Variants in PPM1L observed in about 807,000 individuals in gnomAD.
PPM1L encodes the protein protein phosphatase 1L.
Under a neutral mutation model 31.4 loss-of-function variants are expected in PPM1L, and 13 were observed. The observed-to-expected ratio is 0.41, with a 90% CI of 0.27 to 0.66. PPM1L has a LOEUF of 0.66. PPM1L is among the 30% of genes least tolerant of loss of function. The pLI, the probability that PPM1L is intolerant of heterozygous loss-of-function variation, is 0.29. For missense variants in PPM1L, 326 were observed against 453.7 expected, an observed-to-expected ratio of 0.72 and a Z score of 2.56; for synonymous variants, 184 against 175.4, an observed-to-expected ratio of 1.05 and a Z score of -0.39.
In PPM1L at chr3:161,004,584, A is replaced by G. The variant is rs1334604128; in HGVS notation, c.574+42674A>G. Among the ~76,000 whole-genome samples, 768 of 148,220 alleles carry G rather than the reference A, an allele frequency of 5.2e-3. 1 individual carries two copies. The highest frequency in any genetic ancestry group is 0.018 in the African/African-American group (716 of 39,842). On this transcript the variant is annotated intron_variant, in intron 2 of 3. Coordinates refer to ENST00000498165, the MANE Select transcript of PPM1L (RefSeq NM_139245.4). The stretch of plus-strand genomic sequence containing the variant: ...TTAGTCTTGGGAGAGTGTATGTGTC[A>G]AGGAATTTATCCATTTCTTCTAGAT...
intron 2 of PPM1L, among the ~76,000 whole-genome samples, chr3:161,001,996 C>A: frequency 7.1e-6 from 1 of 140,300 alleles, no homozygotes; most frequent in Admixed American, 7.4e-5. Flanking sequence ...CCTCCCCCAA[C>A]CCCACAACAG....
At chr3:160,876,011 GT>G (rs1174829475) in intron 1 of PPM1L, among the ~76,000 whole-genome samples, 1 of 152,166 alleles carries the variant, frequency 6.6e-6, no homozygotes, top group Non-Finnish European at 1.5e-5. Flanking sequence ...GTCTTGAAGA[GT>G]TTTAAGGGAC....
chr3:161,003,187 C>A lies in PPM1L; in HGVS notation c.574+41277C>A, dbSNP rs200709215. 1.2e-3 allele frequency among the ~76,000 whole-genome samples: 189 copies of A among 151,912 alleles called. 5 individuals are homozygous for A. In the East Asian group the frequency reaches 0.035, roughly 28 times the overall value. On this transcript the variant is annotated intron_variant, in intron 2 of 3. Coordinates refer to ENST00000498165, the MANE Select transcript of PPM1L (RefSeq NM_139245.4). ...TATTTCTGAGGGCTCTGTTCTGTTCCATTGATCTATATGTCTGTTTTGGTA... is the reference window on the plus strand; with the variant it reads ...TATTTCTGAGGGCTCTGTTCTGTTCAATTGATCTATATGTCTGTTTTGGTA...
chr3:160,828,952 G>A (rs562959016), intron 1 of PPM1L, among the ~76,000 whole-genome samples: 3 of 151,992 alleles, frequency 2.0e-5, no homozygotes, highest in African/African-American at 7.3e-5. Flanking sequence ...TTTCCACCTG[G>A]ATCTCTGTAC....
At chr3:160,770,474 G>C (rs540327791) in intron 1 of PPM1L, among the ~76,000 whole-genome samples, 19 of 152,280 alleles carry the variant, frequency 1.2e-4, no homozygotes, top group African/African-American at 4.6e-4. Flanking sequence ...GATATTTAAA[G>C]TATAGTAATA....
In PPM1L at chr3:160,984,937, G is replaced by T. The variant is rs79131974; in HGVS notation, c.574+23027G>T. The stretch of plus-strand genomic sequence containing the variant: ...GAGGGAGGGCTGGTGGTGTCTAGTG[G>T]GTAGAACCCAAGGATGCTGCTAAGT... On this transcript the variant is annotated intron_variant, in intron 2 of 3. Transcript: ENST00000498165. 4.2e-3 allele frequency among the ~76,000 whole-genome samples: 634 copies of T among 152,224 alleles called. 5 individuals are homozygous for T. The highest frequency in any genetic ancestry group is 0.014 in the African/African-American group (598 of 41,524).
chr3:160,871,879 G>A (rs1712319413), intron 1 of PPM1L, among the ~76,000 whole-genome samples: 1 of 151,646 alleles, frequency 6.6e-6, no homozygotes, highest in African/African-American at 2.4e-5. Context: ...AATTCAAGTA[G>A]CATAATTATA....
At chr3:160,947,942 A>C (rs1171983169) in intron 1 of PPM1L, among the ~76,000 whole-genome samples, 1 of 152,166 alleles carries the variant, frequency 6.6e-6, no homozygotes, top group Non-Finnish European at 1.5e-5. Context: ...GTTCAAGCTC[A>C]ACACCTAACC....
chr3:160,775,952 T>C (rs535406488), intron 1 of PPM1L, among the ~76,000 whole-genome samples: 1 of 152,316 alleles, frequency 6.6e-6, no homozygotes, highest in Admixed American at 6.5e-5. Flanking sequence ...TCAAACATTC[T>C]TGGTTTGTAC....
chr3:160,944,991 A>ATATATAT lies in PPM1L; in HGVS notation c.400-16744_400-16738dup, dbSNP rs1553748292. On this transcript the variant is annotated intron_variant, in intron 1 of 3. Transcript: ENST00000498165. Reference sequence around the variant, plus strand: ...TATATTATATATAACTATATATAACATATATATAACTATATATAACATATA... The same window carrying ATATATAT: ...TATATTATATATAACTATATATAACATATATATTATATATAACTATATATAACATATA... 5.9e-3 allele frequency among the ~76,000 whole-genome samples: 138 copies of ATATATAT among 23,422 alleles called. 5 individuals are homozygous for ATATATAT. Among genetic ancestry groups the ATATATAT allele is most frequent in the Middle Eastern group, 0.05 (1 of 20 alleles). 15.4% of individuals were successfully genotyped at this position (23,422 alleles called of 152,430 possible).
In PPM1L at chr3:160,933,304, G is replaced by A. The variant is rs55838526; in HGVS notation, c.400-28432G>A. ...AGTGAATTTTTTTTTTGTTATTTACGTAGGACTTATATCTACCTATTTCTA... is the reference window on the plus strand; with the variant it reads ...AGTGAATTTTTTTTTTGTTATTTACATAGGACTTATATCTACCTATTTCTA... On this transcript the variant is annotated intron_variant, in intron 1 of 3. Transcript: ENST00000498165. 1.7e-3 allele frequency among the ~76,000 whole-genome samples: 253 copies of A among 151,502 alleles called. 1 individual carries two copies. The highest frequency in any genetic ancestry group is 7.9e-3 in the South Asian group (38 of 4,810).
intron 1 of PPM1L, chr3:160,842,149 G>C: frequency 1.5e-6 from 1 of 651,374 alleles, no homozygotes. Flanking sequence ...TTTTGTGTGC[G>C]TGCATCCTGA....
chr3:160,944,801 AC>A (rs1715285887), intron 1 of PPM1L, among the ~76,000 whole-genome samples: 1 of 18,246 alleles, frequency 5.5e-5, no homozygotes, highest in African/African-American at 1.7e-4. Context: ...GTTATATATA[AC>A]ATATATAACA....
chr3:160,903,311 A>AGGC (rs1309389590), intron 1 of PPM1L, among the ~76,000 whole-genome samples: 1 of 151,848 alleles, frequency 6.6e-6, no homozygotes, highest in Non-Finnish European at 1.5e-5. Context: ...TCTGTGGGGC[A>AGGC]GGCCAGCAGG....
At chr3:160,813,444 A>G (rs567485391) in intron 1 of PPM1L, among the ~76,000 whole-genome samples, 1 of 152,066 alleles carries the variant, frequency 6.6e-6, no homozygotes, top group Non-Finnish European at 1.5e-5. Flanking sequence ...GGTTGAAGTG[A>G]TTCTTGTTCC....
At chr3:160,944,978 AAC>A (rs1715334161) in intron 1 of PPM1L, among the ~76,000 whole-genome samples, 1 of 42,996 alleles carries the variant, frequency 2.3e-5, no homozygotes, top group African/African-American at 5.9e-5. Context: ...TATTATATAT[AAC>A]TATATATAAC....
At position 160,890,835 on chromosome 3, in the gene PPM1L, T is replaced by C. The variant is rs565704494; in HGVS notation, c.400-70901T>C. 9.9e-5 allele frequency among the ~76,000 whole-genome samples: 15 copies of C among 152,102 alleles called. 1 individual carries two copies. The highest frequency in any genetic ancestry group is 2.1e-4 in the Non-Finnish European group (14 of 68,024). ...AAATAACGCCACACATCTACAACCATCTGAGCTTCGACAAACCTGACAAAA... is the reference window on the plus strand; with the variant it reads ...AAATAACGCCACACATCTACAACCACCTGAGCTTCGACAAACCTGACAAAA... On this transcript the variant is annotated intron_variant, in intron 1 of 3. Transcript: ENST00000498165.
chr3:160,988,568 G>A (rs1717037437), intron 2 of PPM1L, among the ~76,000 whole-genome samples: 1 of 152,156 alleles, frequency 6.6e-6, no homozygotes, highest in Admixed American at 6.5e-5. Flanking sequence ...AGTAAGAAAA[G>A]GGAAAATATG....
chr3:161,032,455 T>C (rs1176954456), intron 2 of PPM1L, among the ~76,000 whole-genome samples: 1 of 152,200 alleles, frequency 6.6e-6, no homozygotes, highest in African/African-American at 2.4e-5. Context: ...CATATGACAT[T>C]TCCTGAAATC....
Sources: gnomAD v4.1 joint callset for allele counts (sites outside exome capture counted in the v4.1 genomes callset) on GRCh38, gnomAD v4.1.1 for gene constraint, MANE v1.5 for transcripts, NCBI Gene and HGNC (gene_info 2026-07-23, HGNC 2026-07-21) for gene names.